CNTN4: variants seen among roughly 807,000 people sequenced by gnomAD.
CNTN4 encodes the protein contactin-4.
In CNTN4, 77 loss-of-function variants were observed where a neutral mutation model predicts 122.5. The observed-to-expected ratio is 0.63, with a 90% CI of 0.52 to 0.76. The LOEUF (loss-of-function observed/expected upper bound fraction) is 0.76. Among genes scored for constraint, CNTN4 ranks in the 30% least tolerant of loss-of-function variants. The pLI, the probability that CNTN4 is intolerant of heterozygous loss-of-function variation, is 0.00. For synonymous variants in CNTN4, 512 were observed against 447.0 expected (o/e 1.15, Z -1.83); for missense variants, 1,256 against 1,259.1 (o/e 1.00, Z 0.04).
At chr3:2,205,043 T>C in intron 2 of CNTN4, among the ~76,000 whole-genome samples, 1 of 152,056 alleles carries the variant, frequency 6.6e-6, no homozygotes, top group East Asian at 1.9e-4. Flanking sequence ...ATAGTTACTT[T>C]TTTCAAAAAC....
chr3:2,358,057 A>AC (rs1236062452), intron 3 of CNTN4, among the ~76,000 whole-genome samples: 1 of 152,196 alleles, frequency 6.6e-6, no homozygotes, highest in Non-Finnish European at 1.5e-5. Flanking sequence ...ACCCCATGTG[A>AC]CATTTTACTT....
At chr3:2,882,703 T>A (rs1187203720) in intron 8 of CNTN4, 1 of 169,336 alleles carries the variant, frequency 5.9e-6, no homozygotes, top group Non-Finnish European at 1.3e-5. Flanking sequence ...CACAGAATGA[T>A]TACTCAGAAG....
At chr3:2,711,991 G>A (rs762377749) in intron 4 of CNTN4, among the ~76,000 whole-genome samples, 1 of 152,006 alleles carries the variant, frequency 6.6e-6, no homozygotes, top group Non-Finnish European at 1.5e-5. Context: ...GTTATTTATG[G>A]GATAGTTTAT....
At chr3:2,574,454 G>C (rs373217954) in intron 4 of CNTN4, among the ~76,000 whole-genome samples, 2 of 151,962 alleles carry the variant, frequency 1.3e-5, no homozygotes, top group African/African-American at 2.4e-5. Context: ...ATCCTGCAAG[G>C]GATGCAACTG....
intron 3 of CNTN4, among the ~76,000 whole-genome samples, chr3:2,340,957 G>T (rs1411764121): frequency 2.6e-5 from 4 of 151,864 alleles, no homozygotes; most frequent in Admixed American, 6.6e-5. Context: ...TATGCTCCTT[G>T]GTCTGAGCGC....
rs76648149 is a variant in CNTN4 at position 2,709,261 on chromosome 3, T to C, written c.56-26954T>C. Among the ~76,000 whole-genome samples, 4,388 of 152,346 alleles carry C rather than the reference T, an allele frequency of 0.029. 103 individuals carry two copies. The highest frequency in any genetic ancestry group is 0.058 in the Middle Eastern group (17 of 294). The stretch of plus-strand genomic sequence containing the variant: ...ATGTATTTATAGTTTTGTTTTGTTT[T>C]TAAATCTTGAAAGAGACCTGAATTT... On this transcript the variant is annotated intron_variant, in intron 4 of 24. Coordinates refer to ENST00000418658, the MANE Select transcript of CNTN4 (RefSeq NM_175607.3). This position sits in a 1 kb window ranked among gnomAD's most constrained non-coding sequence, Gnocchi z 5.0.
chr3:2,707,690 C>G (rs1384332331), intron 4 of CNTN4, among the ~76,000 whole-genome samples: 1 of 152,060 alleles, frequency 6.6e-6, no homozygotes, highest in Non-Finnish European at 1.5e-5. Flanking sequence ...GTTACCCAGG[C>G]TGGATTGCAG....
At chr3:2,592,270 A>G (rs2080532715) in intron 4 of CNTN4, among the ~76,000 whole-genome samples, 2 of 152,248 alleles carry the variant, frequency 1.3e-5, no homozygotes, top group Admixed American at 1.3e-4. Flanking sequence ...ATAAGAAAAC[A>G]TATGAATATC....
At chr3:2,836,444 G>A (rs999533114) in intron 7 of CNTN4, among the ~76,000 whole-genome samples, 5 of 152,014 alleles carry the variant, frequency 3.3e-5, no homozygotes, top group Non-Finnish European at 7.4e-5. Context: ...CTTACATAGT[G>A]GGTAATACAT....
chr3:2,478,434 A>G (rs1186407491), intron 3 of CNTN4, among the ~76,000 whole-genome samples: 1 of 136,278 alleles, frequency 7.3e-6, no homozygotes, highest in Non-Finnish European at 1.6e-5. Context: ...TCCAACTTTT[A>G]TTTTAAGTTC....
intron 4 of CNTN4, among the ~76,000 whole-genome samples, chr3:2,716,479 T>C (rs2063896): frequency 0.51 from 76,869 of 151,770 alleles, 22,795 homozygotes; most frequent in Non-Finnish European, 0.67. Context: ...GGGTAGTTCA[T>C]AGATGTATGA....
At chr3:3,017,408 A>C (rs955848706) in intron 14 of CNTN4, among the ~76,000 whole-genome samples, 1 of 152,248 alleles carries the variant, frequency 6.6e-6, no homozygotes. Context: ...AACAAACTAC[A>C]TATATAGATG....
At chr3:2,663,905 A>G (rs1203513712) in intron 4 of CNTN4, among the ~76,000 whole-genome samples, 1 of 152,182 alleles carries the variant, frequency 6.6e-6, no homozygotes, top group Non-Finnish European at 1.5e-5. Flanking sequence ...AAAAGACCAC[A>G]TATTGTCTGA....
intron 5 of CNTN4, among the ~76,000 whole-genome samples, chr3:2,740,025 A>G (rs190751203): frequency 2.0e-5 from 3 of 151,832 alleles, no homozygotes; most frequent in African/African-American, 7.3e-5. Context: ...CTGTTTTCCA[A>G]GTACCTTTTT....
At chr3:2,743,776 G>T (rs749358043) in intron 5 of CNTN4, among the ~76,000 whole-genome samples, 3 of 152,138 alleles carry the variant, frequency 2.0e-5, no homozygotes, top group Non-Finnish European at 2.9e-5. Flanking sequence ...GGACAATTCC[G>T]TAGGAGATTG....
At chr3:2,947,660 C>G (rs2094693629) in intron 13 of CNTN4, among the ~76,000 whole-genome samples, 1 of 152,198 alleles carries the variant, frequency 6.6e-6, no homozygotes, top group Admixed American at 6.5e-5. Flanking sequence ...CTCTGTCATA[C>G]TGACGTGAAT....
intron 7 of CNTN4, among the ~76,000 whole-genome samples, chr3:2,820,352 T>C (rs1040077822): frequency 6.6e-6 from 1 of 152,162 alleles, no homozygotes; most frequent in South Asian, 2.1e-4. Flanking sequence ...GATAAACATA[T>C]AGAGAGAGTG....
At chr3:2,948,383 T>C (rs2151572180) in intron 13 of CNTN4, among the ~76,000 whole-genome samples, 1 of 152,268 alleles carries the variant, frequency 6.6e-6, no homozygotes, top group East Asian at 1.9e-4. Context: ...AAGTGCTGGG[T>C]AGGAGTGCTT....
At chr3:2,273,896 G>T (rs1175467913) in intron 2 of CNTN4, among the ~76,000 whole-genome samples, 3 of 152,036 alleles carry the variant, frequency 2.0e-5, no homozygotes, top group East Asian at 1.9e-4. Flanking sequence ...TAAGATAGAA[G>T]AATTTCTTTT....
Sources: allele counts gnomAD v4.1 joint callset (sites outside exome capture counted in the v4.1 genomes callset), GRCh38; gene constraint gnomAD v4.1.1; non-coding constraint Gnocchi (gnomAD v3.1); transcripts MANE v1.5; gene names NCBI Gene and HGNC (gene_info 2026-07-23, HGNC 2026-07-21).